SOX5: variants seen among roughly 807,000 people sequenced by gnomAD.
SOX5 encodes transcription factor SOX-5.
SOX5 carries 9 observed loss-of-function variants against 92.0 expected under a neutral mutation model. The observed-to-expected ratio is 0.10, with a 90% CI of 0.06 to 0.17. The LOEUF is 0.17. Among genes scored for constraint, SOX5 ranks in the 10% least tolerant of loss-of-function variants. SOX5 has a pLI of 1.00. For synonymous variants in SOX5, 344 were observed against 336.3 expected (o/e 1.02, Z -0.25); for missense variants, 642 against 944.5 (o/e 0.68, Z 4.20).
At chr12:24,522,121 A>T in intron 1 of SOX5, among the ~76,000 whole-genome samples, 1 of 152,054 alleles carries the variant, frequency 6.6e-6, no homozygotes, top group South Asian at 2.1e-4. Context: ...AATAAAAAAG[A>T]TCATAAGAAA....
At chr12:24,338,127 TG>T (rs1952120915) in intron 2 of SOX5, among the ~76,000 whole-genome samples, 1 of 152,228 alleles carries the variant, frequency 6.6e-6, no homozygotes, top group East Asian at 1.9e-4. Context: ...ATATAAATCC[TG>T]TAAACCCCAG....
At chr12:23,821,617 T>C (rs1031024757) in intron 3 of SOX5, among the ~76,000 whole-genome samples, 2 of 152,152 alleles carry the variant, frequency 1.3e-5, no homozygotes, top group African/African-American at 4.8e-5. Flanking sequence ...TCTGCATCTC[T>C]TGAGATAATC....
chr12:23,900,255 G>T (rs560347214), intron 1 of SOX5, among the ~76,000 whole-genome samples: 3 of 152,268 alleles, frequency 2.0e-5, no homozygotes, highest in Admixed American at 1.3e-4. Flanking sequence ...AAAGCAACTT[G>T]CTTTTACAGG....
At position 23,614,945 on chromosome 12, in the gene SOX5, G is replaced by T. The variant is rs182840356; in HGVS notation, c.1018-10412C>A. ...GCCTCCTGAGTAGCTGGGATTACAG[G>T]CGTGTGCCACCGCGCCCAGCTAATT... On this transcript the variant is annotated intron_variant, in intron 8 of 14. Transcript: ENST00000451604. Among the ~76,000 whole-genome samples the T allele has an allele frequency of 3.5e-3, 527 of 152,274 alleles. 3 individuals are homozygous for T. Among genetic ancestry groups the T allele is most frequent in the African/African-American group, 0.012 (501 of 41,558 alleles).
intron 4 of SOX5, among the ~76,000 whole-genome samples, chr12:24,112,219 A>G (rs1947437384): frequency 6.6e-6 from 1 of 152,236 alleles, no homozygotes. Flanking sequence ...TGAGAATCTC[A>G]AAGACCAGGG....
intron 1 of SOX5, among the ~76,000 whole-genome samples, chr12:23,908,930 C>T (rs979158802): frequency 2.0e-5 from 3 of 152,016 alleles, no homozygotes; most frequent in Non-Finnish European, 4.4e-5. Flanking sequence ...ATCTTCTTTC[C>T]CCATTAATCT....
chr12:24,126,500 A>G (rs1415626304), intron 4 of SOX5, among the ~76,000 whole-genome samples: 3 of 152,134 alleles, frequency 2.0e-5, no homozygotes, highest in Non-Finnish European at 4.4e-5. Flanking sequence ...ACAAATAAAT[A>G]ACACTGTGCT....
At chr12:24,129,443 C>T (rs1249679865) in intron 4 of SOX5, among the ~76,000 whole-genome samples, 2 of 152,160 alleles carry the variant, frequency 1.3e-5, no homozygotes, top group Non-Finnish European at 2.9e-5. Context: ...GTGTTCCTCT[C>T]CCATACTTTT....
intron 4 of SOX5, among the ~76,000 whole-genome samples, chr12:24,194,308 A>C (rs559776980): frequency 4.6e-5 from 7 of 152,102 alleles, no homozygotes; most frequent in Admixed American, 4.6e-4. Flanking sequence ...TATTTAGAGA[A>C]CCTATTATCT....
At chr12:23,691,032 T>C (rs753245716) in intron 6 of SOX5, among the ~76,000 whole-genome samples, 2 of 152,160 alleles carry the variant, frequency 1.3e-5, no homozygotes, top group African/African-American at 2.4e-5. Flanking sequence ...TGGACTATCT[T>C]GAGGGCAGAG....
chr12:23,987,675 C>T (rs920026737), intron 4 of SOX5, among the ~76,000 whole-genome samples: 4 of 152,160 alleles, frequency 2.6e-5, no homozygotes, highest in Admixed American at 2.0e-4. Context: ...TGCCTATAGT[C>T]CCAGCTACGA....
At chr12:23,754,656 T>C (rs1176600122) in intron 4 of SOX5, among the ~76,000 whole-genome samples, 1 of 151,846 alleles carries the variant, frequency 6.6e-6, no homozygotes, top group African/African-American at 2.4e-5. Context: ...GTTCATGTCA[T>C]GTAGGCCAAA....
intron 1 of SOX5, among the ~76,000 whole-genome samples, chr12:23,937,401 CT>C (rs1296539544): frequency 4.0e-5 from 6 of 150,798 alleles, no homozygotes; most frequent in African/African-American, 1.5e-4. Context: ...CTATAATTTC[CT>C]ATCCATAGCA....
intron 2 of SOX5, among the ~76,000 whole-genome samples, chr12:23,852,950 C>T (rs376875977): frequency 1.3e-5 from 2 of 150,998 alleles, no homozygotes; most frequent in Admixed American, 1.3e-4. Flanking sequence ...GAAAAAGAGG[C>T]AGAGAAGGAA....
intron 3 of SOX5, among the ~76,000 whole-genome samples, chr12:23,832,976 T>G (rs147243569): frequency 6.6e-6 from 1 of 152,128 alleles, no homozygotes; most frequent in African/African-American, 2.4e-5. Flanking sequence ...TAGTAATCAG[T>G]GACAGACTCA....
intron 4 of SOX5, among the ~76,000 whole-genome samples, chr12:23,991,097 T>TA (rs1055254029): frequency 1.3e-5 from 2 of 151,388 alleles, no homozygotes; most frequent in African/African-American, 4.9e-5. Context: ...CTCATGTCTA[T>TA]AATCCCAGCA....
chr12:24,067,763 G>C (rs1236703320), intron 4 of SOX5, among the ~76,000 whole-genome samples: 1 of 152,188 alleles, frequency 6.6e-6, no homozygotes, highest in Non-Finnish European at 1.5e-5. Flanking sequence ...AAAAGGAAGA[G>C]AGCGAGAAAG....
At chr12:23,650,671 C>T (rs1250695262) in intron 7 of SOX5, among the ~76,000 whole-genome samples, 3 of 152,104 alleles carry the variant, frequency 2.0e-5, no homozygotes, top group Non-Finnish European at 4.4e-5. Context: ...ATATTTATGC[C>T]TACATCCAGG....
In SOX5 at chr12:24,095,128, CAGAG is replaced by C. The variant is rs764681203; in HGVS notation, c.-2+118211_-2+118214del. Among the ~76,000 whole-genome samples the C allele has an allele frequency of 6.0e-3, 541 of 90,200 alleles. 4 individuals are homozygous for C. Among genetic ancestry groups the C allele is most frequent in the African/African-American group, 0.022 (494 of 22,442 alleles). The allele number at this position is 90,200 out of a possible 152,430, so 59.2% of individuals were successfully genotyped here. Reference sequence around the variant, plus strand: ...ACACACACACACACACACACACACACAGAGAGAGAGAGAGAGAGAGAGAGAGAGA... The same window carrying C: ...ACACACACACACACACACACACACACAGAGAGAGAGAGAGAGAGAGAGAGA... On this transcript the variant is annotated intron_variant, in intron 4 of 4. Coordinates refer to the SOX5 transcript ENST00000446891.
Sources: gnomAD v4.1 joint callset for allele counts (sites outside exome capture counted in the v4.1 genomes callset) on GRCh38, gnomAD v4.1.1 for gene constraint, MANE v1.5 for transcripts, NCBI Gene and HGNC (gene_info 2026-07-23, HGNC 2026-07-21) for gene names.